CTPS1: variants seen among roughly 807,000 people sequenced by gnomAD.
CTPS1 encodes CTP synthase 1, also known as CTP synthetase 1.
A neutral mutation model predicts 80.5 loss-of-function variants in CTPS1; 25 were observed. The ratio of observed to expected loss-of-function variants is 0.31; its 90% CI spans 0.23 to 0.43. The LOEUF is 0.43. Ranked by LOEUF, CTPS1 falls within the 20% of genes least tolerant of loss-of-function variation. The pLI, the probability that CTPS1 is intolerant of heterozygous loss-of-function variation, is 1.00. For synonymous variants in CTPS1, 267 were observed against 252.5 expected (o/e 1.06, Z -0.54); for missense variants, 442 against 725.7 (o/e 0.61, Z 4.49).
rs1643135225 is a variant in CTPS1 at position 41,010,187 on chromosome 1, G to A, written c.1718G>A (p.Ser573Asn). The A allele has an allele frequency of 2.5e-6, 4 of 1,613,944 alleles. No homozygotes were observed. The East Asian group carries it at 8.9e-5, about 36-fold the overall frequency. Residue 573 changes from serine to asparagine, a missense_variant, in exon 18 of 19, where the codon AGC becomes AAC. Coordinates refer to ENST00000650070, the MANE Select transcript of CTPS1 (RefSeq NM_001905.4). ...GACACCTATAGTGACAGGAGTGGAA[G>A]CAGCTCCCCTGACTCTGAAATCACC... ...PRDTYSDRSG[S>N]SSPDSEITEL...
intron 9 of CTPS1, among the ~76,000 whole-genome samples, chr1:40,999,710 C>T (rs1642854209): frequency 6.6e-6 from 1 of 152,186 alleles, no homozygotes; most frequent in South Asian, 2.1e-4. Flanking sequence ...GACTTGAAAA[C>T]GTCCACAAAA....
At chr1:41,011,059 A>G (rs967270193) in intron 18 of CTPS1, among the ~76,000 whole-genome samples, 5 of 152,158 alleles carry the variant, frequency 3.3e-5, no homozygotes, top group African/African-American at 7.2e-5. Flanking sequence ...AATCCTGCAC[A>G]CCGTGTGTTC....
intron 12 of CTPS1, among the ~76,000 whole-genome samples, chr1:41,005,212 A>G (rs549170288): frequency 6.6e-6 from 1 of 152,218 alleles, no homozygotes; most frequent in South Asian, 2.1e-4. Flanking sequence ...TGGGAGGCCG[A>G]GGCAGGCAGA....
intron 4 of CTPS1, among the ~76,000 whole-genome samples, chr1:40,988,238 ATTAT>A (rs988840401): frequency 1.2e-4 from 18 of 151,646 alleles, no homozygotes; most frequent in African/African-American, 3.6e-4. Context: ...CAGTACAAAA[ATTAT>A]TTATGGTTAA....
At chr1:40,987,793 C>T (rs921676525) in intron 4 of CTPS1, among the ~76,000 whole-genome samples, 7 of 152,158 alleles carry the variant, frequency 4.6e-5, no homozygotes, top group Non-Finnish European at 8.8e-5. Context: ...CAAGAGCATT[C>T]GTCTCCGAAT....
At chr1:40,980,213 C>T (rs1255999963) in intron 1 of CTPS1, 2 of 151,894 alleles carry the variant, frequency 1.3e-5, no homozygotes, top group Non-Finnish European at 2.9e-5. Flanking sequence ...CCCCCACACC[C>T]TCCGCCCTTG....
At position 40,997,644 on chromosome 1, in the gene CTPS1, A is replaced by G; in HGVS notation, c.1005+118A>G. 13 of 1,261,136 alleles carry G rather than the reference A, an allele frequency of 1.0e-5. No individual in the cohort carries two copies. In the South Asian group the frequency reaches 1.9e-4, roughly 19 times the overall value. The allele number at this position is 1,261,136 out of a possible 1,614,324, so 78.1% of individuals were successfully genotyped here. ...GCTCAGAATTACTTTTTAAGGAATT[A>G]CTTTTTAAGGATTAAAAAGATTTGT... On this transcript the variant is annotated intron_variant, in intron 9 of 18. Transcript: ENST00000650070.
At chr1:41,010,602 C>T (rs902521134) in intron 18 of CTPS1, among the ~76,000 whole-genome samples, 2 of 152,124 alleles carry the variant, frequency 1.3e-5, no homozygotes, top group African/African-American at 4.8e-5. Context: ...AATTCTTAGA[C>T]CCTATTGTTT....
Position 41,011,881 on chromosome 1 carries a change from A to T in CTPS1, c.*233A>T, listed in dbSNP as rs1451202921. ...CTCCTTGCAGTTCTTGAGTTGCGGC[A>T]GAACATCGCGATGGGAACCGATGGT... On this transcript the variant is annotated 3_prime_UTR_variant, in exon 19 of 19. Transcript: ENST00000650070. 1 of 152,186 alleles carries T rather than the reference A, an allele frequency of 6.6e-6. No homozygotes were observed. The highest frequency in any genetic ancestry group is 1.5e-5 in the Non-Finnish European group (1 of 68,046). 9.4% of individuals were successfully genotyped at this position (152,186 alleles called of 1,614,324 possible).
intron 11 of CTPS1, 144 bp from the exon 12 acceptor site, chr1:41,002,970 A>G: frequency 1.4e-6 from 1 of 711,670 alleles, no homozygotes; most frequent in Admixed American, 2.5e-5. Flanking sequence ...AACAGCAGAG[A>G]GTACTTGTTC....
chr1:40,988,744 A>C, intron 5 of CTPS1, 34 bp downstream of exon 5: 1 of 1,404,604 alleles, frequency 7.1e-7, no homozygotes, highest in African/African-American at 1.4e-5. Flanking sequence ...ACTTTGGGGG[A>C]GATGGAGAGG....
In CTPS1 at chr1:40,988,700, T is replaced by G; in HGVS notation, c.545T>G (p.Leu182Arg). The G allele has an allele frequency of 6.2e-7, 1 of 1,610,194 alleles. No individual in the cohort carries two copies. The highest frequency in any genetic ancestry group is 8.5e-7 in the Non-Finnish European group (1 of 1,176,588). The change falls in exon 5 of 19, where the codon CTA becomes CGA. Residue 182 changes from leucine to arginine, a missense_variant. Physicochemically the swap from Leu to Arg is moderately radical, Grantham distance 102 (BLOSUM62 -2). Around this residue, in one of 4 missense-constraint regions of CTPS1, gnomAD observed 27 missense variants for 83.6 expected, o/e 0.32. Coordinates refer to ENST00000650070, the MANE Select transcript of CTPS1 (RefSeq NM_001905.4). ...RENFCNIHVS[L>R]VPQPSSTGEQ... ...AACTTTTGTAACATCCACGTCAGTCTAGTTCCCCAGGTAAGTAAGACATTG... is the reference window on the plus strand; with the variant it reads ...AACTTTTGTAACATCCACGTCAGTCGAGTTCCCCAGGTAAGTAAGACATTG...
At chr1:41,009,103 G>C in intron 16 of CTPS1, among the ~76,000 whole-genome samples, 1 of 152,130 alleles carries the variant, frequency 6.6e-6, no homozygotes, top group Non-Finnish European at 1.5e-5. Flanking sequence ...TTTAACTTCT[G>C]GCCGCAGTTT....
intron 16 of CTPS1, 56 bp downstream of exon 16, chr1:41,008,946 A>G (rs531107631): frequency 7.5e-7 from 1 of 1,328,020 alleles, no homozygotes; most frequent in Non-Finnish European, 1.1e-6. Context: ...TTCTTGGCAT[A>G]TGGGAAAATA....
At chr1:40,983,010 A>G (rs1202529404) in intron 1 of CTPS1, among the ~76,000 whole-genome samples, 1 of 152,208 alleles carries the variant, frequency 6.6e-6, no homozygotes, top group African/African-American at 2.4e-5. Flanking sequence ...TCTGAAGGTT[A>G]TTAGTTGTCA....
At chr1:41,008,506 TA>T (rs958856056) in intron 14 of CTPS1, among the ~76,000 whole-genome samples, 152 bp from the exon 15 acceptor site, 7 of 152,344 alleles carry the variant, frequency 4.6e-5, no homozygotes, top group Admixed American at 2.0e-4. Flanking sequence ...ACTGTGTTGT[TA>T]AGAGCAGGTG....
intron 2 of CTPS1, 74 bp downstream of exon 2, chr1:40,983,530 T>A (rs1179070890): frequency 3.2e-6 from 4 of 1,266,238 alleles, no homozygotes; most frequent in Non-Finnish European, 4.4e-6. Flanking sequence ...ATGTGCACGG[T>A]TTGCATAACT....
Position 41,009,459 on chromosome 1 carries a change from G to A in CTPS1, c.1561G>A (p.Val521Ile). ...IVELEDHPFF[V>I]GVQYHPEFLS... ...CTCTATTTCAGATCATCCCTTTTTT[G>A]TTGGGGTTCAGTACCACCCTGAGTT... Residue 521 changes from valine (V) to isoleucine (I), a missense_variant, in exon 17 of 19, where the codon GTT (valine) becomes ATT (isoleucine). Val to Ile is a conservative substitution (Grantham distance 29, BLOSUM62 3). Coordinates refer to ENST00000650070, the MANE Select transcript of CTPS1 (RefSeq NM_001905.4). 6.4e-7 allele frequency: 1 copy of A among 1,566,234 alleles called. No individual in the cohort carries two copies. The highest frequency in any genetic ancestry group is 8.6e-7 in the Non-Finnish European group (1 of 1,160,638).
chr1:40,995,034 G>A (rs1455639381), intron 7 of CTPS1, among the ~76,000 whole-genome samples: 2 of 152,142 alleles, frequency 1.3e-5, no homozygotes, highest in East Asian at 3.9e-4. Context: ...ACTGATGCCT[G>A]CCTCCTACCC....
Sources: gnomAD v4.1 joint callset for allele counts (sites outside exome capture counted in the v4.1 genomes callset) on GRCh38, gnomAD v4.1.1 for gene constraint, gnomAD v4.1.1 regional missense constraint, MANE v1.5 for transcripts, NCBI Gene and HGNC (gene_info 2026-07-23, HGNC 2026-07-21) for gene names.